The following CTNNA2 variants were observed in gnomAD, a reference collection of about 807,000 sequenced individuals.
CTNNA2 encodes catenin alpha-2.
A neutral mutation model predicts 101.0 loss-of-function variants in CTNNA2; 42 were observed. The observed-to-expected ratio is 0.42, with a 90% CI of 0.32 to 0.54. The LOEUF (loss-of-function observed/expected upper bound fraction) is 0.54. Among genes scored for constraint, CTNNA2 ranks in the 20% least tolerant of loss-of-function variants. The probability of loss-of-function intolerance (pLI) is 0.14; values close to 1 mark genes in which losing one functional copy is unlikely to be tolerated. For missense variants in CTNNA2, 871 were observed against 1,223.1 expected (o/e 0.71, Z 4.29); for synonymous variants, 450 against 456.4 (o/e 0.99, Z 0.18).
chr2:79,305,500 A>G (rs1432145215), intron 2 of CTNNA2, among the ~76,000 whole-genome samples: 1 of 150,628 alleles, frequency 6.6e-6, no homozygotes, highest in African/African-American at 2.4e-5. Flanking sequence ...TATCTTTTCA[A>G]TGTTTTATTA....
At chr2:79,960,993 G>GA (rs1448064757) in intron 7 of CTNNA2, among the ~76,000 whole-genome samples, 16 of 152,270 alleles carry the variant, frequency 1.1e-4, no homozygotes, top group African/African-American at 3.9e-4. Context: ...TTTAGACATG[G>GA]AAAATCAACA....
chr2:79,242,300 C>T (rs1347978498), intron 2 of CTNNA2, among the ~76,000 whole-genome samples: 1 of 152,080 alleles, frequency 6.6e-6, no homozygotes, highest in Non-Finnish European at 1.5e-5. Context: ...TCAAGTATAC[C>T]TATTTTATAT....
At chr2:79,281,811 G>C (rs753386180) in intron 2 of CTNNA2, among the ~76,000 whole-genome samples, 3 of 152,186 alleles carry the variant, frequency 2.0e-5, no homozygotes, top group African/African-American at 2.4e-5. Flanking sequence ...CCTTATATTT[G>C]TGAATTTATC....
chr2:79,734,781 CTTAA>C (rs1295800690), intron 2 of CTNNA2, among the ~76,000 whole-genome samples: 2 of 152,062 alleles, frequency 1.3e-5, no homozygotes, highest in Non-Finnish European at 2.9e-5. Flanking sequence ...AAAAGGAAAT[CTTAA>C]TTTATTATGC....
intron 1 of CTNNA2, among the ~76,000 whole-genome samples, chr2:79,626,966 A>G (rs17017356): frequency 0.08 from 12,254 of 152,226 alleles, 580 homozygotes; most frequent in African/African-American, 0.13. Flanking sequence ...GGTCCTGAGC[A>G]TCGATTGTGA....
intron 3 of CTNNA2, among the ~76,000 whole-genome samples, chr2:79,829,057 T>G (rs1678664505): frequency 6.6e-6 from 1 of 152,168 alleles, no homozygotes; most frequent in African/African-American, 2.4e-5. Context: ...TCTTATGAGT[T>G]ATTTAAGAGG....
At chr2:80,601,110 G>C (rs1441097664) in intron 15 of CTNNA2, among the ~76,000 whole-genome samples, 2 of 152,102 alleles carry the variant, frequency 1.3e-5, no homozygotes, top group Non-Finnish European at 2.9e-5. Flanking sequence ...CAACTGGCTT[G>C]CCCAGTTCCT....
At chr2:79,223,770 G>A (rs1346991627) in intron 2 of CTNNA2, among the ~76,000 whole-genome samples, 3 of 152,142 alleles carry the variant, frequency 2.0e-5, no homozygotes. Context: ...AATCCCTAAT[G>A]CATAAGCATA....
At chr2:79,836,473 T>C (rs2103814908) in intron 3 of CTNNA2, among the ~76,000 whole-genome samples, 1 of 152,320 alleles carries the variant, frequency 6.6e-6, no homozygotes, top group East Asian at 1.9e-4. Flanking sequence ...ATGCATTTCC[T>C]CTGTATTAGT....
At chr2:80,462,072 C>T (rs1684476483) in intron 9 of CTNNA2, among the ~76,000 whole-genome samples, 1 of 152,182 alleles carries the variant, frequency 6.6e-6, no homozygotes, top group African/African-American at 2.4e-5. Context: ...TGCCTTGGGC[C>T]TTGCCTTAGA....
chr2:79,600,633 T>C (rs369410571), intron 1 of CTNNA2, among the ~76,000 whole-genome samples: 2 of 152,336 alleles, frequency 1.3e-5, no homozygotes, highest in Middle Eastern at 3.4e-3. Flanking sequence ...AATATCCTTT[T>C]CACTTTTCAG....
intron 5 of CTNNA2, among the ~76,000 whole-genome samples, chr2:79,870,594 A>T (rs1682512590): frequency 6.6e-6 from 1 of 152,140 alleles, no homozygotes; most frequent in Non-Finnish European, 1.5e-5. Flanking sequence ...TCATGCTGTT[A>T]TAAAGAACTG....
chr2:79,674,265 T>C (rs1418052422), intron 2 of CTNNA2, among the ~76,000 whole-genome samples: 3 of 152,186 alleles, frequency 2.0e-5, no homozygotes, highest in Non-Finnish European at 4.4e-5. Context: ...CAAGAAGATA[T>C]TGAGCTGGGC....
chr2:80,002,935 C>T (rs1305710404), intron 7 of CTNNA2, among the ~76,000 whole-genome samples: 5 of 152,138 alleles, frequency 3.3e-5, no homozygotes, highest in Admixed American at 6.6e-5. Flanking sequence ...TCATTTTATA[C>T]ACGCTGGGAT....
chr2:79,673,681 A>AT (rs955042076), intron 2 of CTNNA2, among the ~76,000 whole-genome samples: 5 of 152,018 alleles, frequency 3.3e-5, no homozygotes, highest in African/African-American at 4.8e-5. Flanking sequence ...TTATCTTAAT[A>AT]TTTTTTTCCT....
At chr2:79,936,883 C>A (rs995165376) in intron 7 of CTNNA2, among the ~76,000 whole-genome samples, 1 of 152,194 alleles carries the variant, frequency 6.6e-6, no homozygotes, top group African/African-American at 2.4e-5. Flanking sequence ...CTCCTCCCCA[C>A]ACTCACCTTT....
intron 1 of CTNNA2, among the ~76,000 whole-genome samples, chr2:79,565,517 C>G (rs1675056216): frequency 6.6e-6 from 1 of 152,070 alleles, no homozygotes; most frequent in Non-Finnish European, 1.5e-5. Flanking sequence ...AAAGTTGATG[C>G]AGTAAGAGAT....
intron 3 of CTNNA2, among the ~76,000 whole-genome samples, chr2:79,333,635 A>G (rs965880550): frequency 1.3e-5 from 2 of 152,154 alleles, no homozygotes; most frequent in African/African-American, 4.8e-5. Flanking sequence ...TTTCCTAAAT[A>G]TCTTAACAAA....
Position 80,486,704 on chromosome 2 carries a change from G to A in CTNNA2, c.1291-58278G>A, listed in dbSNP as rs532488925. ...GCTTTTTTATTTTGAAATGATTTTA[G>A]ACTGGTAAAATAATGCAGAGAGATC... On this transcript the variant is annotated intron_variant, in intron 9 of 18. Coordinates refer to ENST00000402739, the MANE Select transcript of CTNNA2 (RefSeq NM_001282597.3). Among the ~76,000 whole-genome samples, 3 of 152,140 alleles carry A rather than the reference G, an allele frequency of 2.0e-5. No individual in the cohort carries two copies. The South Asian group carries it at 6.2e-4, about 32-fold the overall frequency.
Sources: gnomAD v4.1 joint callset for allele counts (sites outside exome capture counted in the v4.1 genomes callset) on GRCh38, gnomAD v4.1.1 for gene constraint, MANE v1.5 for transcripts, NCBI Gene and HGNC (gene_info 2026-07-23, HGNC 2026-07-21) for gene names.